The following STXBP5 variants were observed in gnomAD, a reference collection of about 807,000 sequenced individuals.
The protein encoded by STXBP5 is syntaxin-binding protein 5.
In STXBP5, 50 loss-of-function variants were observed where a neutral mutation model predicts 152.4. The observed-to-expected ratio is 0.33, with a 90% CI of 0.26 to 0.42. The LOEUF (loss-of-function observed/expected upper bound fraction) is 0.42. Ranked by LOEUF, STXBP5 falls within the 10% of genes least tolerant of loss-of-function variation. STXBP5 has a pLI of 1.00. For synonymous variants in STXBP5, 492 were observed against 494.7 expected (o/e 0.99, Z 0.07); for missense variants, 1,167 against 1,388.6 (o/e 0.84, Z 2.54).
intron 2 of STXBP5, among the ~76,000 whole-genome samples, chr6:147,213,300 C>G (rs1438521939): frequency 6.7e-6 from 1 of 148,862 alleles, no homozygotes; most frequent in Non-Finnish European, 1.5e-5. Flanking sequence ...GGGTTTCTTT[C>G]TGGAATACAG....
intron 25 of STXBP5, among the ~76,000 whole-genome samples, chr6:147,371,517 T>C (rs1340931104): frequency 1.3e-5 from 2 of 152,140 alleles, no homozygotes; most frequent in Non-Finnish European, 2.9e-5. Context: ...ATCCTAGTAA[T>C]GTTCCTGAGA....
rs572226803 is a variant in STXBP5 at position 147,275,533 on chromosome 6, T to A, written c.715-2548T>A. On this transcript the variant is annotated intron_variant, in intron 7 of 27. Transcript: ENST00000321680. ...TATATGTATAATTTTCAGGTTTTTTTAAACAAGTAAATATTCTTTTTTTTT... is the reference window on the plus strand; with the variant it reads ...TATATGTATAATTTTCAGGTTTTTTAAAACAAGTAAATATTCTTTTTTTTT... Among the ~76,000 whole-genome samples the A allele has an allele frequency of 6.0e-4, 91 of 150,676 alleles. 1 individual carries two copies. The South Asian group carries it at 0.015, about 24-fold the overall frequency.
At chr6:147,327,959 A>G (rs1465320295) in intron 18 of STXBP5, among the ~76,000 whole-genome samples, 2 of 152,170 alleles carry the variant, frequency 1.3e-5, no homozygotes, top group Non-Finnish European at 2.9e-5. Flanking sequence ...CCCATGTGGG[A>G]AAAAAAGGAA....
At chr6:147,288,065 T>C (rs1781079828) in intron 8 of STXBP5, among the ~76,000 whole-genome samples, 1 of 152,158 alleles carries the variant, frequency 6.6e-6, no homozygotes, top group Non-Finnish European at 1.5e-5. Context: ...TAGACCGCCA[T>C]GAATGTGTCT....
At chr6:147,363,221 T>G in intron 23 of STXBP5, 114 bp from the exon 24 acceptor site, 1 of 1,129,928 alleles carries the variant, frequency 8.9e-7, no homozygotes. Context: ...CAGTGTTCAG[T>G]TCAATATGCG....
intron 18 of STXBP5, among the ~76,000 whole-genome samples, chr6:147,330,100 A>G (rs2074849891): frequency 6.6e-6 from 1 of 152,216 alleles, no homozygotes; most frequent in African/African-American, 2.4e-5. Flanking sequence ...ATTGAGTAAA[A>G]TATAGGCTGT....
At chr6:147,252,881 C>T (rs1174516131) in intron 4 of STXBP5, among the ~76,000 whole-genome samples, 2 of 152,110 alleles carry the variant, frequency 1.3e-5, no homozygotes, top group African/African-American at 4.8e-5. Flanking sequence ...ACCAGAGGTA[C>T]AAAGAGAAGC....
At chr6:147,236,508 C>T (rs546767139) in intron 3 of STXBP5, among the ~76,000 whole-genome samples, 2 of 152,018 alleles carry the variant, frequency 1.3e-5, no homozygotes, top group African/African-American at 4.8e-5. Flanking sequence ...AGTATGATAG[C>T]AAACCAGGAA....
rs11341887 is a variant in STXBP5, at chr6:147,373,363, C to CAA, written c.3082-344_3082-343dup. Among the ~76,000 whole-genome samples, 218 of 67,514 alleles carry CAA rather than the reference C, an allele frequency of 3.2e-3. 2 individuals carry two copies. Among genetic ancestry groups the CAA allele is most frequent in the African/African-American group, 4.6e-3 (83 of 17,954 alleles). 44.3% of individuals were successfully genotyped at this position (67,514 alleles called of 152,430 possible). On this transcript the variant is annotated intron_variant, in intron 25 of 27. Transcript: ENST00000321680. Reference sequence around the variant, plus strand: ...CCTGGGTGACAGAGTGAGACTGTCTCAAAAAAAAAAAAAAAAAAAAAAAAA... The same window carrying CAA: ...CCTGGGTGACAGAGTGAGACTGTCTCAAAAAAAAAAAAAAAAAAAAAAAAAAA...
At chr6:147,234,768 T>A (rs1310754140) in intron 2 of STXBP5, among the ~76,000 whole-genome samples, 1 of 151,972 alleles carries the variant, frequency 6.6e-6, no homozygotes, top group Non-Finnish European at 1.5e-5. Flanking sequence ...ATTATATTTT[T>A]AGCGTTACTT....
At chr6:147,322,080 T>A (rs1372701290) in intron 16 of STXBP5, among the ~76,000 whole-genome samples, 1 of 152,212 alleles carries the variant, frequency 6.6e-6, no homozygotes, top group Non-Finnish European at 1.5e-5. Flanking sequence ...AAATTATCCC[T>A]GGAATGCCTG....
chr6:147,384,875 GC>G lies in STXBP5; in HGVS notation c.*121del. ...CGTCACTGAATACTGTTCTTTCCTA[GC>G]ACAGTCATGCACTGTTTTACCTCAG... On this transcript the variant is annotated 3_prime_UTR_variant, in exon 28 of 28. Transcript: ENST00000321680. 1.0e-6 allele frequency: 1 copy of G among 973,838 alleles called. No homozygotes were observed. The allele number at this position is 973,838 out of a possible 1,614,324, so 60.3% of individuals were successfully genotyped here.
intron 9 of STXBP5, among the ~76,000 whole-genome samples, chr6:147,291,875 A>G (rs1048384132): frequency 1.3e-5 from 2 of 150,062 alleles, no homozygotes; most frequent in Admixed American, 1.3e-4. Context: ...TATTTGCTAT[A>G]GCTATGTTGG....
chr6:147,366,441 A>G (rs1029361258), intron 25 of STXBP5, among the ~76,000 whole-genome samples: 4 of 152,188 alleles, frequency 2.6e-5, no homozygotes, highest in South Asian at 2.1e-4. Flanking sequence ...GAAGTCCACA[A>G]TCAGTTTTAC....
chr6:147,241,375 G>T (rs1778532587), intron 4 of STXBP5, among the ~76,000 whole-genome samples: 1 of 152,178 alleles, frequency 6.6e-6, no homozygotes, highest in African/African-American at 2.4e-5. Flanking sequence ...GTAATGTCAT[G>T]TATCTACCAT....
At chr6:147,340,325 T>G (rs894659060) in intron 21 of STXBP5, among the ~76,000 whole-genome samples, 2 of 152,206 alleles carry the variant, frequency 1.3e-5, no homozygotes, top group East Asian at 1.9e-4. Flanking sequence ...GAACCCTGTT[T>G]AGTCATATTA....
At chr6:147,318,159 GAAGA>G (rs1284886320) in intron 16 of STXBP5, among the ~76,000 whole-genome samples, 1 of 151,998 alleles carries the variant, frequency 6.6e-6, no homozygotes, top group Non-Finnish European at 1.5e-5. Flanking sequence ...TTTCCTACCT[GAAGA>G]AAAAACACCA....
At position 147,385,084 on chromosome 6, in the gene STXBP5, A is replaced by G. The variant is rs1786276059; in HGVS notation, c.*329A>G. On this transcript the variant is annotated 3_prime_UTR_variant, in exon 28 of 28. Transcript: ENST00000321680. ...TGGATCATTCCTGTATTAAACTTTC[A>G]TATGCCAAAAGGGTTTGTGCCGTTT... The G allele has an allele frequency of 1.1e-5, 3 of 272,524 alleles. No individual in the cohort carries two copies. Among genetic ancestry groups the G allele is most frequent in the South Asian group, 6.4e-5 (1 of 15,652 alleles). The allele number at this position is 272,524 out of a possible 1,614,324, so 16.9% of individuals were successfully genotyped here.
chr6:147,221,003 C>T (rs923202995), intron 2 of STXBP5, among the ~76,000 whole-genome samples: 12 of 151,804 alleles, frequency 7.9e-5, no homozygotes, highest in African/African-American at 2.4e-4. Flanking sequence ...TATATGGTTC[C>T]ACATTTTCTC....
Sources: gnomAD v4.1 joint callset for allele counts (sites outside exome capture counted in the v4.1 genomes callset) on GRCh38, gnomAD v4.1.1 for gene constraint, MANE v1.5 for transcripts, NCBI Gene and HGNC (gene_info 2026-07-23, HGNC 2026-07-21) for gene names.